The following MYO18B variants were observed in gnomAD, a reference collection of about 807,000 sequenced individuals.
MYO18B encodes unconventional myosin-XVIIIb.
MYO18B carries 204 observed loss-of-function variants against 273.0 expected under a neutral mutation model. That is an observed-to-expected ratio of 0.75 (90% CI 0.67 to 0.84). MYO18B has a LOEUF of 0.84. MYO18B is among the 40% of genes least tolerant of loss of function. The pLI is 0.00. For missense variants in MYO18B, 3,212 were observed against 3,287.6 expected (o/e 0.98, Z 0.56); for synonymous variants, 1,330 against 1,305.7 (o/e 1.02, Z -0.40).
At chr22:25,942,270 C>G (rs1416324189) in intron 34 of MYO18B, among the ~76,000 whole-genome samples, 1 of 152,228 alleles carries the variant, frequency 6.6e-6, no homozygotes, top group Non-Finnish European at 1.5e-5. Flanking sequence ...TTTCCTTCCT[C>G]TGTCCTTCGG....
chr22:25,797,802 G>A, intron 11 of MYO18B, 151 bp from the exon 12 acceptor site: 2 of 1,095,666 alleles, frequency 1.8e-6, no homozygotes, highest in East Asian at 4.8e-5. Flanking sequence ...GAGTTTGTCT[G>A]TCAGTACTCC....
intron 11 of MYO18B, among the ~76,000 whole-genome samples, chr22:25,792,872 C>T (rs531919404): frequency 1.0e-3 from 155 of 152,364 alleles, no homozygotes; most frequent in African/African-American, 3.5e-3. Flanking sequence ...GTTGTAGAAA[C>T]ATCCTTCCAT....
intron 11 of MYO18B, among the ~76,000 whole-genome samples, chr22:25,797,055 C>T (rs2087946398): frequency 1.3e-5 from 2 of 152,150 alleles, no homozygotes; most frequent in African/African-American, 2.4e-5. Context: ...TGGTGAAACC[C>T]TTCTCTACTA....
chr22:25,927,648 A>G (rs1257336810), intron 34 of MYO18B, among the ~76,000 whole-genome samples: 2 of 152,100 alleles, frequency 1.3e-5, no homozygotes, highest in Admixed American at 6.5e-5. Context: ...GACATCTGTG[A>G]CCCACACCTA....
At position 25,890,799 on chromosome 22, in the gene MYO18B, G is replaced by A. The variant is rs751693854; in HGVS notation, c.4358G>A (p.Gly1453Asp). The change falls in exon 26 of 44, where the codon GGT (glycine) becomes GAT (aspartate). Residue 1453 changes from glycine to aspartate, a missense_variant. Physicochemically the swap from Gly to Asp is moderately conservative, Grantham distance 94. Transcript: ENST00000335473. ...TSDLADERFK[G>D]DVACQVLESE... is the part of the protein sequence containing the mutation. ...GACCTTGCCGATGAGCGCTTCAAAG[G>A]TGATGTGGCCTGCCAGGTGCTGGAG... is the stretch of plus-strand genomic sequence containing the variant. 3 of 1,613,938 alleles carry A rather than the reference G, an allele frequency of 1.9e-6. No individual in the cohort carries two copies. The highest frequency in any genetic ancestry group is 2.5e-6 in the Non-Finnish European group (3 of 1,179,874).
downstream of MYO18B, chr22:26,031,123 C>A (rs567757476): frequency 4.8e-5 from 19 of 393,860 alleles, no homozygotes; most frequent in African/African-American, 3.5e-4. Context: ...AATTTATTCC[C>A]TTTTTACCAA....
intron 42 of MYO18B, among the ~76,000 whole-genome samples, chr22:26,017,962 G>GTT (rs1339313323): frequency 3.1e-4 from 36 of 117,528 alleles, no homozygotes; most frequent in African/African-American, 4.7e-4. Flanking sequence ...CAATTTTACT[G>GTT]TTTTGTTTTT....
downstream of MYO18B, among the ~76,000 whole-genome samples, chr22:26,031,775 C>G (rs952507839): frequency 2.6e-5 from 4 of 152,156 alleles, no homozygotes; most frequent in African/African-American, 9.7e-5. Flanking sequence ...TCACTGGAGA[C>G]CTCACCGTCT....
chr22:25,896,775 T>A (rs1212407353), intron 28 of MYO18B: 1 of 152,168 alleles, frequency 6.6e-6, no homozygotes, highest in Non-Finnish European at 1.5e-5. Context: ...CAAAAAGCCC[T>A]GATTTGTAGC....
chr22:25,822,138 G>T (rs527403080), intron 12 of MYO18B, among the ~76,000 whole-genome samples: 1 of 152,092 alleles, frequency 6.6e-6, no homozygotes, highest in Admixed American at 6.6e-5. Context: ...TCCCCACCCC[G>T]TTACATTCCA....
chr22:25,816,612 C>T (rs766658570), intron 12 of MYO18B, among the ~76,000 whole-genome samples: 5 of 150,982 alleles, frequency 3.3e-5, no homozygotes, highest in Non-Finnish European at 7.4e-5. Flanking sequence ...TCTGTCCTTG[C>T]GATAGTTTGC....
At chr22:25,924,802 C>T (rs2092397344) in intron 34 of MYO18B, among the ~76,000 whole-genome samples, 1 of 152,092 alleles carries the variant, frequency 6.6e-6, no homozygotes, top group South Asian at 2.1e-4. Flanking sequence ...CTAATGCACC[C>T]TTCTAGGCCA....
chr22:25,804,969 C>G (rs1271253429), intron 12 of MYO18B, among the ~76,000 whole-genome samples: 1 of 152,192 alleles, frequency 6.6e-6, no homozygotes, highest in Non-Finnish European at 1.5e-5. Context: ...CTGAGGAGGG[C>G]TCAGCGAAGG....
At chr22:25,943,766 C>T (rs2092673142) in intron 34 of MYO18B, among the ~76,000 whole-genome samples, 1 of 135,086 alleles carries the variant, frequency 7.4e-6, no homozygotes, top group Admixed American at 8.5e-5. Flanking sequence ...GTTACCCAGG[C>T]TGGAGTGCAA....
intron 40 of MYO18B, among the ~76,000 whole-genome samples, chr22:25,995,203 C>T (rs745933536): frequency 6.6e-6 from 1 of 152,158 alleles, no homozygotes; most frequent in African/African-American, 2.4e-5. Context: ...AGAAACATCG[C>T]ATATTCTCAC....
At chr22:25,786,177 G>A (rs1463360004) in intron 11 of MYO18B, among the ~76,000 whole-genome samples, 1 of 152,210 alleles carries the variant, frequency 6.6e-6, no homozygotes, top group East Asian at 1.9e-4. Flanking sequence ...TTCCTGCTGA[G>A]TGCTAGGAGT....
chr22:25,852,124 T>A (rs1896940851), intron 21 of MYO18B, among the ~76,000 whole-genome samples: 1 of 152,174 alleles, frequency 6.6e-6, no homozygotes, highest in Non-Finnish European at 1.5e-5. Flanking sequence ...CCAAAATGTT[T>A]AGGAAATATT....
chr22:25,785,366 C>A, intron 10 of MYO18B, 62 bp from the exon 11 acceptor site: 1 of 1,524,832 alleles, frequency 6.6e-7, no homozygotes, highest in Non-Finnish European at 8.9e-7. Context: ...GTGACGACCA[C>A]CTGCCCTGCC....
chr22:25,825,029 C>T (rs1009551279), intron 13 of MYO18B, among the ~76,000 whole-genome samples: 1 of 150,022 alleles, frequency 6.7e-6, no homozygotes, highest in African/African-American at 2.5e-5. Context: ...ATATATATAA[C>T]ACATGCACAT....
Sources: gnomAD v4.1 joint callset for allele counts (sites outside exome capture counted in the v4.1 genomes callset) on GRCh38, gnomAD v4.1.1 for gene constraint, MANE v1.5 for transcripts, NCBI Gene and HGNC (gene_info 2026-07-23, HGNC 2026-07-21) for gene names.